EXOC6: variants seen among roughly 807,000 people sequenced by gnomAD.
EXOC6 encodes SEC15-like 1.
A neutral mutation model predicts 112.5 loss-of-function variants in EXOC6; 60 were observed. The ratio of observed to expected loss-of-function variants is 0.53; its 90% CI spans 0.43 to 0.66. The LOEUF is 0.66. Among genes scored for constraint, EXOC6 ranks in the 30% least tolerant of loss-of-function variants. EXOC6 has a pLI of 0.00. For missense variants in EXOC6, 855 were observed against 957.1 expected, an observed-to-expected ratio of 0.89 and a Z score of 1.41; for synonymous variants, 295 against 308.0, an observed-to-expected ratio of 0.96 and a Z score of 0.44.
Position 93,057,048 on chromosome 10 carries a change from C to T in EXOC6, c.2282+12C>T, listed in dbSNP as rs1422367007. On this transcript the variant is annotated intron_variant, in intron 21 of 21. Transcript: ENST00000260762. The stretch of plus-strand genomic sequence containing the variant: ...ACTCTTTTGGAGAAGTGAGTATATT[C>T]TGAAACTTTTTTGTATAACATTTTA... The T allele has an allele frequency of 1.5e-6, 2 of 1,305,338 alleles. No homozygotes were observed. Among genetic ancestry groups the T allele is most frequent in the Non-Finnish European group, 2.0e-6 (2 of 987,402 alleles). The allele number at this position is 1,305,338 out of a possible 1,614,324, so 80.9% of individuals were successfully genotyped here.
intron 13 of EXOC6, among the ~76,000 whole-genome samples, chr10:92,941,380 G>A (rs1472098499): frequency 6.6e-6 from 1 of 152,152 alleles, no homozygotes; most frequent in Non-Finnish European, 1.5e-5. Context: ...TAATGCTGCT[G>A]TGAACGTGAG....
chr10:92,986,263 T>C (rs886493820), intron 18 of EXOC6, among the ~76,000 whole-genome samples: 2 of 152,190 alleles, frequency 1.3e-5, no homozygotes, highest in African/African-American at 4.8e-5. Flanking sequence ...ATATACACTT[T>C]GAAAGATTAA....
In EXOC6 at chr10:92,961,782, G is replaced by C. The variant is rs138865121; in HGVS notation, c.1773+6068G>C. On this transcript the variant is annotated intron_variant, in intron 17 of 21. Coordinates refer to ENST00000260762, the MANE Select transcript of EXOC6 (RefSeq NM_019053.6). ...AAAGATCATGGAAAGCAGAAATAGA[G>C]TAGGGAGATAAATGGTTGAGGACTA... is the stretch of plus-strand genomic sequence containing the variant. 4.9e-3 allele frequency among the ~76,000 whole-genome samples: 736 copies of C among 151,494 alleles called. 4 individuals are homozygous for C. Among genetic ancestry groups the C allele is most frequent in the Non-Finnish European group, 7.9e-3 (533 of 67,886 alleles).
At chr10:92,892,079 A>G (rs1849529926) in intron 1 of EXOC6, among the ~76,000 whole-genome samples, 1 of 152,180 alleles carries the variant, frequency 6.6e-6, no homozygotes. Flanking sequence ...AATGAACCTC[A>G]AACAATGGGC....
chr10:92,848,371 G>A (rs1382508188), upstream of EXOC6: 3 of 322,948 alleles, frequency 9.3e-6, no homozygotes, highest in Non-Finnish European at 9.0e-6. Context: ...GTGCGGGGGC[G>A]GGAACCGGGT....
At chr10:92,972,403 G>A (rs1842336672) in intron 17 of EXOC6, among the ~76,000 whole-genome samples, 1 of 152,126 alleles carries the variant, frequency 6.6e-6, no homozygotes, top group African/African-American at 2.4e-5. Flanking sequence ...GAGAGAGAGA[G>A]TGAGTGAGTC....
At chr10:93,051,533 C>T (rs1846291936) in intron 20 of EXOC6, among the ~76,000 whole-genome samples, 1 of 152,196 alleles carries the variant, frequency 6.6e-6, no homozygotes, top group South Asian at 2.1e-4. Context: ...GCCTATGCTC[C>T]TTCTGACTGC....
At chr10:92,931,612 G>T (rs1210398769) in intron 9 of EXOC6, among the ~76,000 whole-genome samples, 1 of 150,818 alleles carries the variant, frequency 6.6e-6, no homozygotes, top group Non-Finnish European at 1.5e-5. Flanking sequence ...AACAAAGCTG[G>T]ATGGAGAATG....
intron 5 of EXOC6, chr10:92,900,682 T>C (rs1455145710): frequency 6.6e-6 from 1 of 151,496 alleles, no homozygotes; most frequent in Non-Finnish European, 1.5e-5. Flanking sequence ...AAAACAGATA[T>C]CACCTTTCCT....
chr10:92,990,033 T>C (rs193159415), intron 18 of EXOC6, among the ~76,000 whole-genome samples: 43 of 152,290 alleles, frequency 2.8e-4, no homozygotes, highest in African/African-American at 1.0e-3. Context: ...GACAATATAA[T>C]ATATCCCTGT....
chr10:92,941,587 T>C (rs548569829), intron 13 of EXOC6, among the ~76,000 whole-genome samples: 1 of 152,348 alleles, frequency 6.6e-6, no homozygotes, highest in African/African-American at 2.4e-5. Context: ...AAATTTTTCC[T>C]AGTAAATGAT....
intron 13 of EXOC6, among the ~76,000 whole-genome samples, chr10:92,943,410 C>A (rs1202014092): frequency 1.3e-5 from 2 of 152,032 alleles, no homozygotes; most frequent in Non-Finnish European, 2.9e-5. Flanking sequence ...GACAACCTAA[C>A]AATTAAATGG....
chr10:92,998,480 A>G (rs1843594339), intron 19 of EXOC6, among the ~76,000 whole-genome samples: 1 of 152,206 alleles, frequency 6.6e-6, no homozygotes, highest in African/African-American at 2.4e-5. Flanking sequence ...GCAGTTTGCA[A>G]CTGAAGCAGA....
At chr10:92,845,939 G>A (rs113810517), upstream of EXOC6, among the ~76,000 whole-genome samples, 1,296 of 152,224 alleles carry the variant, frequency 8.5e-3, 11 homozygotes, top group Non-Finnish European at 0.012. Flanking sequence ...ACTCTGTCTC[G>A]AAAAAACCAA....
At chr10:92,968,180 AC>A (rs1309224661) in intron 17 of EXOC6, among the ~76,000 whole-genome samples, 5 of 77,986 alleles carry the variant, frequency 6.4e-5, no homozygotes, top group Non-Finnish European at 1.2e-4. Flanking sequence ...TTAGTGTTTC[AC>A]CTTTTTTTTT....
chr10:92,974,854 T>C (rs574078201), intron 18 of EXOC6, among the ~76,000 whole-genome samples: 165 of 152,318 alleles, frequency 1.1e-3, no homozygotes, highest in African/African-American at 3.8e-3. Context: ...AGATGGAGTC[T>C]GGTTCACTCA....
intron 1 of EXOC6, among the ~76,000 whole-genome samples, chr10:92,865,130 A>G (rs1018025987): frequency 3.9e-5 from 6 of 152,280 alleles, no homozygotes; most frequent in Admixed American, 6.5e-5. Context: ...GGAATTCTCA[A>G]TCAGTTTTAA....
chr10:92,968,801 A>G (rs955255539), intron 17 of EXOC6, among the ~76,000 whole-genome samples: 1 of 152,240 alleles, frequency 6.6e-6, no homozygotes, highest in Non-Finnish European at 1.5e-5. Flanking sequence ...TTCTCATTTC[A>G]TAAATAAGAA....
At chr10:93,036,757 GT>G (rs1459075954) in intron 20 of EXOC6, among the ~76,000 whole-genome samples, 1 of 152,142 alleles carries the variant, frequency 6.6e-6, no homozygotes, top group African/African-American at 2.4e-5. Flanking sequence ...AGTCATTTAA[GT>G]TTGCAGTTGG....
Sources: allele counts gnomAD v4.1 joint callset (sites outside exome capture counted in the v4.1 genomes callset), GRCh38; gene constraint gnomAD v4.1.1; transcripts MANE v1.5; gene names NCBI Gene and HGNC (gene_info 2026-07-23, HGNC 2026-07-21).